DBN1: variants seen among roughly 807,000 people sequenced by gnomAD.
DBN1 encodes drebrin.
A neutral mutation model predicts 83.5 loss-of-function variants in DBN1; 21 were observed. That is an observed-to-expected ratio of 0.25 (90% confidence interval 0.18 to 0.36). The LOEUF (loss-of-function observed/expected upper bound fraction) is 0.36. Among genes scored for constraint, DBN1 ranks in the 10% least tolerant of loss-of-function variants. The pLI is 1.00. For missense variants in DBN1, 874 were observed against 935.7 expected (o/e 0.93, Z 0.86); for synonymous variants, 381 against 384.9 (o/e 0.99, Z 0.12).
rs764796716 is a variant in DBN1, at chr5:177,467,096, G to C, written c.556-34C>G. On this transcript the variant is annotated intron_variant, in intron 6 of 14. Transcript: ENST00000393565. The surrounding 1 kb of genome is among the most constrained non-coding windows in gnomAD (Gnocchi z 9.1). ...CCCGGTGCGAACAAGGGTAGGCCCCGAGCCTAGGCGCCTGGACCCTGCCCC... is the reference window on the plus strand; with the variant it reads ...CCCGGTGCGAACAAGGGTAGGCCCCCAGCCTAGGCGCCTGGACCCTGCCCC... 1.1e-5 allele frequency: 17 copies of C among 1,612,590 alleles called. No homozygotes were observed. The highest frequency in any genetic ancestry group is 5.5e-5 in the South Asian group (5 of 91,046).
In DBN1 at chr5:177,467,567, G is replaced by T; in HGVS notation, c.391C>A (p.Gln131Lys). 1 of 1,565,984 alleles carries T rather than the reference G, an allele frequency of 6.4e-7. No individual in the cohort carries two copies. Residue 131 changes from glutamine to lysine, a missense_variant, in exon 5 of 15, where the codon CAG becomes AAG. Physicochemically the swap from Gln to Lys is moderately conservative, Grantham distance 53 (BLOSUM62 1). Around this residue, in one of 4 missense-constraint regions of DBN1, gnomAD observed 65 missense variants for 97.3 expected, o/e 0.67. Transcript: ENST00000393565. The surrounding 1 kb of genome is among the most constrained non-coding windows in gnomAD (Gnocchi z 9.1). ...CGCGCCAGCCCGTTAGAGAGCCGCTGCCCGATGGCACCCGCGTCTATGTCT... is the reference window on the plus strand; with the variant it reads ...CGCGCCAGCCCGTTAGAGAGCCGCTTCCCGATGGCACCCGCGTCTATGTCT... ...VEDIDAGAIGQRLSNGLARLS... is the reference protein window; with the variant it reads ...VEDIDAGAIGKRLSNGLARLS...
At chr5:177,460,210 C>T (rs191073083) in intron 10 of DBN1, among the ~76,000 whole-genome samples, 368 of 152,362 alleles carry the variant, frequency 2.4e-3, no homozygotes, top group African/African-American at 8.4e-3. Context: ...CCCACAGGCC[C>T]TAGCACTCCC....
Position 177,468,299 on chromosome 5 carries a change from CT to C in DBN1, c.143-80del. On this transcript the variant is annotated intron_variant, in intron 2 of 14. Transcript: ENST00000393565. ...AAGAGCCTGGAACTCAAAGCAAAGA[CT>C]CCTCCAGGCCTCCACAGGCACCCCC... 3.8e-6 allele frequency: 5 copies of C among 1,299,232 alleles called. No homozygotes were observed. The South Asian group carries it at 5.9e-5, about 15-fold the overall frequency. The allele number at this position is 1,299,232 out of a possible 1,614,324, so 80.5% of individuals were successfully genotyped here.
At chr5:177,462,529 C>A (rs335466) in intron 8 of DBN1, 219,438 of 434,850 alleles carry the variant, frequency 0.5, 58,256 homozygotes, top group Non-Finnish European at 0.55. Context: ...GCACCTCCCC[C>A]CTCCGCTGTG....
Position 177,466,220 on chromosome 5 carries a change from A to G in DBN1, c.771+552T>C, listed in dbSNP as rs1757433107. Among the ~76,000 whole-genome samples the G allele has an allele frequency of 6.6e-6, 1 of 152,214 alleles. No homozygotes were observed. Among genetic ancestry groups the G allele is most frequent in the Non-Finnish European group, 1.5e-5 (1 of 68,040 alleles). On this transcript the variant is annotated intron_variant, in intron 8 of 14. Coordinates refer to ENST00000393565, the MANE Select transcript of DBN1 (RefSeq NM_001363541.2). This position sits in a 1 kb window ranked among gnomAD's most constrained non-coding sequence, Gnocchi z 4.8. ...GTCCTGAATGACATTAGCTATTTCC[A>G]AAATACTAAATTCAAAGCATGGAGA...
In DBN1 at chr5:177,467,382, C is replaced by T. The variant is rs1053985359; in HGVS notation, c.478-50G>A. The T allele has an allele frequency of 6.2e-7, 1 of 1,613,726 alleles. No individual in the cohort carries two copies. The highest frequency in any genetic ancestry group is 1.3e-5 in the African/African-American group (1 of 75,040). ...AAGCAGGCTGAATGCCCCAGGAACC[C>T]CCGACACCTAAAGGGTGAGAGCTAA... On this transcript the variant is annotated intron_variant, in intron 5 of 14. Coordinates refer to ENST00000393565, the MANE Select transcript of DBN1 (RefSeq NM_001363541.2). This position sits in a 1 kb window ranked among gnomAD's most constrained non-coding sequence, Gnocchi z 9.1.
At position 177,457,364 on chromosome 5, in the gene DBN1, G is replaced by T; in HGVS notation, c.*69C>A. ...GAGCTGCTGCGAATGCAGGCACGGCGGGCCGTCTGGCCAGAGGCTGATGCA... is the reference window on the plus strand; with the variant it reads ...GAGCTGCTGCGAATGCAGGCACGGCTGGCCGTCTGGCCAGAGGCTGATGCA... On this transcript the variant is annotated 3_prime_UTR_variant, in exon 15 of 15. Coordinates refer to ENST00000393565, the MANE Select transcript of DBN1 (RefSeq NM_001363541.2). 7.3e-7 allele frequency: 1 copy of T among 1,363,842 alleles called. No homozygotes were observed. The highest frequency in any genetic ancestry group is 1.0e-6 in the Non-Finnish European group (1 of 953,640). 84.5% of individuals were successfully genotyped at this position (1,363,842 alleles called of 1,614,324 possible).
chr5:177,472,056 G>A (rs1246076587), intron 1 of DBN1: 1 of 1,555,010 alleles, frequency 6.4e-7, no homozygotes, highest in East Asian at 2.4e-5. Flanking sequence ...CCCTGGGGCA[G>A]GGCTGGGACA....
intron 1 of DBN1, chr5:177,472,779 T>C (rs1028421343): frequency 1.0e-6 from 1 of 986,650 alleles, no homozygotes; most frequent in African/African-American, 1.7e-5. Flanking sequence ...AGCTCACCCC[T>C]GCCTCCTCCG....
intron 1 of DBN1, among the ~76,000 whole-genome samples, chr5:177,470,534 T>C (rs1204930548): frequency 6.6e-6 from 1 of 152,108 alleles, no homozygotes; most frequent in African/African-American, 2.4e-5. Flanking sequence ...CCAGCCTGCC[T>C]TTCCATTGGA....
chr5:177,473,529 G>A lies in DBN1; in HGVS notation c.-8C>T, dbSNP rs1403569760. 6.4e-6 allele frequency: 9 copies of A among 1,399,168 alleles called. No individual in the cohort carries two copies. Among genetic ancestry groups the A allele is most frequent in the Non-Finnish European group, 8.4e-6 (9 of 1,066,902 alleles). 86.7% of individuals were successfully genotyped at this position (1,399,168 alleles called of 1,614,324 possible). On this transcript the variant is annotated 5_prime_UTR_variant, in exon 1 of 15. Transcript: ENST00000393565. ...GAAGCTGACGCCGGCCATGCTTCGG[G>A]CCGGACCGGGCCGAACGGACAGACG...
intron 8 of DBN1, among the ~76,000 whole-genome samples, chr5:177,463,514 A>T (rs1457542110): frequency 6.6e-6 from 1 of 152,228 alleles, no homozygotes. Flanking sequence ...TCAGATATGG[A>T]ACACAATTCG....
chr5:177,471,954 G>A (rs180678930), intron 1 of DBN1, among the ~76,000 whole-genome samples: 2 of 152,200 alleles, frequency 1.3e-5, no homozygotes, highest in African/African-American at 2.4e-5. Context: ...GGTGAGCTGT[G>A]CTTCTCCCCA....
rs1381185283 is a variant in DBN1 at position 177,459,282 on chromosome 5, C to G, written c.1094-14G>C. ...CCAGGTGGCTGCCTGTGGAACAAAC[C>G]CCAGGTGGGTCAGTGAGGGCGGGGG... On this transcript the variant is annotated splice_polypyrimidine_tract_variant and intron_variant, in intron 11 of 14. Transcript: ENST00000393565. 6.2e-7 allele frequency: 1 copy of G among 1,602,702 alleles called. No individual in the cohort carries two copies. Among genetic ancestry groups the G allele is most frequent in the Non-Finnish European group, 8.5e-7 (1 of 1,178,712 alleles).
In DBN1 at chr5:177,467,663, A is replaced by T. The variant is rs745327300; in HGVS notation, c.331-36T>A. On this transcript the variant is annotated intron_variant, in intron 4 of 14. Coordinates refer to ENST00000393565, the MANE Select transcript of DBN1 (RefSeq NM_001363541.2). The surrounding 1 kb of genome is among the most constrained non-coding windows in gnomAD (Gnocchi z 9.1). ...AAGACGGCAGTGCTCAGGCGGCACC[A>T]TCCTCCCGCCATCCCCACCCCAGCA... 4.5e-6 allele frequency: 7 copies of T among 1,562,066 alleles called. No homozygotes were observed. The highest frequency in any genetic ancestry group is 2.6e-6 in the Non-Finnish European group (3 of 1,153,192).
chr5:177,470,330 T>C (rs1374902570), intron 1 of DBN1, among the ~76,000 whole-genome samples: 2 of 152,150 alleles, frequency 1.3e-5, no homozygotes, highest in Non-Finnish European at 2.9e-5. Context: ...GAGAAACTAA[T>C]GCAGAGCCCA....
intron 8 of DBN1, chr5:177,462,235 G>A: frequency 1.0e-6 from 1 of 984,610 alleles, no homozygotes; most frequent in Non-Finnish European, 1.2e-6. Context: ...CACATACTGT[G>A]AGATGTAGAC....
In DBN1 at chr5:177,458,820, C is replaced by CT. The variant is rs372554415; in HGVS notation, c.1265-114dup. The stretch of plus-strand genomic sequence containing the variant: ...CAGGGACTTCCATGCAGGTGTCCCA[C>CT]TGCCCCCTTACCCAGTGACCCCAGT... On this transcript the variant is annotated intron_variant, in intron 12 of 14. Coordinates refer to ENST00000393565, the MANE Select transcript of DBN1 (RefSeq NM_001363541.2). 4.4e-4 allele frequency: 515 copies of CT among 1,167,858 alleles called. 1 individual carries two copies. The African/African-American group carries it at 6.9e-3, about 16-fold the overall frequency. The allele number at this position is 1,167,858 out of a possible 1,614,324, so 72.3% of individuals were successfully genotyped here.
At position 177,467,174 on chromosome 5, in the gene DBN1, G is replaced by A. The variant is rs1446146983; in HGVS notation, c.555+81C>T. ...GGGCGGGGCACGTGGCATGGGCCAT[G>A]CCACTGCAGTGAGGGACTCAGACCT... is the stretch of plus-strand genomic sequence containing the variant. On this transcript the variant is annotated intron_variant, in intron 6 of 14. Transcript: ENST00000393565. This position sits in a 1 kb window ranked among gnomAD's most constrained non-coding sequence, Gnocchi z 9.1. 3.1e-6 allele frequency: 5 copies of A among 1,605,344 alleles called. No individual in the cohort carries two copies. Among genetic ancestry groups the A allele is most frequent in the Non-Finnish European group, 3.4e-6 (4 of 1,172,758 alleles).
Sources: gnomAD v4.1 joint callset for allele counts (sites outside exome capture counted in the v4.1 genomes callset) on GRCh38, gnomAD v4.1.1 for gene constraint, gnomAD v4.1.1 regional missense constraint, Gnocchi (gnomAD v3.1) non-coding constraint, MANE v1.5 for transcripts, NCBI Gene and HGNC (gene_info 2026-07-23, HGNC 2026-07-21) for gene names.